The following RGS6 variants were observed in gnomAD, a reference collection of about 807,000 sequenced individuals.
RGS6 encodes regulator of G protein signaling 6, also known as regulator of G-protein signaling 6.
A neutral mutation model predicts 78.5 loss-of-function variants in RGS6; 30 were observed. The ratio of observed to expected loss-of-function variants is 0.38; its 90% CI spans 0.29 to 0.52. The LOEUF is 0.52. RGS6 is among the 20% of genes least tolerant of loss of function. The pLI, the probability that RGS6 is intolerant of heterozygous loss-of-function variation, is 0.85. For synonymous variants in RGS6, 206 were observed against 206.0 expected, an observed-to-expected ratio of 1.00 and a Z score of 0.00; for missense variants, 495 against 609.7, an observed-to-expected ratio of 0.81 and a Z score of 1.98.
intron 2 of RGS6, among the ~76,000 whole-genome samples, chr14:72,281,361 C>T (rs1249140258): frequency 6.6e-6 from 1 of 151,986 alleles, no homozygotes; most frequent in Non-Finnish European, 1.5e-5. Context: ...GTTGGCCAGG[C>T]TGGTCTTGAA....
chr14:71,968,791 T>C (rs1183321662), intron 2 of RGS6, among the ~76,000 whole-genome samples: 1 of 152,256 alleles, frequency 6.6e-6, no homozygotes, highest in Non-Finnish European at 1.5e-5. Flanking sequence ...ATGTTTCTTC[T>C]GGGAGAGTTG....
chr14:72,457,795 C>G (rs1165507415), intron 4 of RGS6, among the ~76,000 whole-genome samples: 1 of 152,152 alleles, frequency 6.6e-6, no homozygotes. Flanking sequence ...CCTGATGGGA[C>G]TGTCATATTG....
chr14:72,430,676 G>A (rs1282882918), intron 3 of RGS6, among the ~76,000 whole-genome samples: 1 of 152,110 alleles, frequency 6.6e-6, no homozygotes, highest in Admixed American at 6.6e-5. Flanking sequence ...TTTGGGTTTT[G>A]GTTTTGGGGT....
intron 16 of RGS6, among the ~76,000 whole-genome samples, chr14:72,539,442 A>G (rs1303224819): frequency 6.6e-6 from 1 of 152,212 alleles, no homozygotes; most frequent in East Asian, 1.9e-4. Flanking sequence ...AACGAGGGTC[A>G]CTAGGAAGTC....
chr14:71,978,872 C>T (rs150295242), intron 2 of RGS6, among the ~76,000 whole-genome samples: 20,766 of 144,442 alleles, frequency 0.14, 1,803 homozygotes, highest in East Asian at 0.22. Context: ...GGTAGAATTC[C>T]GCTGTGAATC....
At chr14:71,978,596 C>T (rs1174947246) in intron 2 of RGS6, among the ~76,000 whole-genome samples, 18 of 122,270 alleles carry the variant, frequency 1.5e-4, no homozygotes, top group Admixed American at 1.1e-3. Flanking sequence ...ACCAGCCTTG[C>T]ATCCCAGGGA....
chr14:72,114,674 C>T (rs1002759853), intron 2 of RGS6, among the ~76,000 whole-genome samples: 1 of 152,176 alleles, frequency 6.6e-6, no homozygotes, highest in East Asian at 1.9e-4. Flanking sequence ...AATACAAATG[C>T]AAAATATTTA....
At position 72,472,026 on chromosome 14, in the gene RGS6, T is replaced by C. The variant is rs574951359; in HGVS notation, c.537-846T>C. ...GGGCCACCTAAGTACACAGTAATTA[T>C]CACAAAAATCGCAGGGTGATTATGG... On this transcript the variant is annotated intron_variant, in intron 8 of 17. Transcript: ENST00000553525. Among the ~76,000 whole-genome samples the C allele has an allele frequency of 5.9e-5, 9 of 152,258 alleles. No homozygotes were observed. In the East Asian group the frequency reaches 1.7e-3, roughly 29 times the overall value.
intron 3 of RGS6, among the ~76,000 whole-genome samples, chr14:72,411,229 A>G (rs1597102495): frequency 6.6e-6 from 1 of 152,060 alleles, no homozygotes; most frequent in Non-Finnish European, 1.5e-5. Flanking sequence ...ATTTGTTTGT[A>G]TCCTCTTTTA....
chr14:72,433,675 C>T (rs1429445843), intron 3 of RGS6, among the ~76,000 whole-genome samples: 2 of 152,172 alleles, frequency 1.3e-5, no homozygotes, highest in African/African-American at 4.8e-5. Context: ...CACGACTCAA[C>T]TCCCCAGCCC....
intron 3 of RGS6, among the ~76,000 whole-genome samples, chr14:72,405,770 G>C: frequency 6.6e-6 from 1 of 152,280 alleles, no homozygotes; most frequent in East Asian, 1.9e-4. Context: ...CTGCCCCTCT[G>C]CTGGAAGAAT....
In RGS6 at chr14:72,220,622, C is replaced by T. The variant is rs111943907; in HGVS notation, c.85-131473C>T. ...TGCTTCCGTATAGTATTTTAAGAAA[C>T]GTGGCTGTACTGGCTACATGGAATT... On this transcript the variant is annotated intron_variant, in intron 2 of 17. Coordinates refer to ENST00000553525, the MANE Select transcript of RGS6 (RefSeq NM_001204424.2). 7.6e-3 allele frequency among the ~76,000 whole-genome samples: 1,151 copies of T among 152,204 alleles called. 9 individuals are homozygous for T. The highest frequency in any genetic ancestry group is 0.026 in the African/African-American group (1,062 of 41,534).
intron 2 of RGS6, among the ~76,000 whole-genome samples, chr14:71,981,379 C>T (rs1308998797): frequency 1.3e-5 from 2 of 152,164 alleles, no homozygotes; most frequent in Non-Finnish European, 2.9e-5. Flanking sequence ...TGTTTTTTCC[C>T]CATCTTTGTG....
At position 72,548,348 on chromosome 14, in the gene RGS6, CGT is replaced by C. The variant is rs59943776; in HGVS notation, c.1422+8277_1422+8278del. Among the ~76,000 whole-genome samples the C allele has an allele frequency of 2.9e-3, 379 of 129,274 alleles. 1 individual carries two copies. The highest frequency in any genetic ancestry group is 0.021 in the South Asian group (88 of 4,174). 84.8% of individuals were successfully genotyped at this position (129,274 alleles called of 152,430 possible). A position where few individuals can be genotyped will look rare whatever the true frequency, so the allele number is the denominator to read the frequency against. Reference sequence around the variant, plus strand: ...ATATTTGTGTGTGTGTGTGTGCGCGCGTGTGTGTGTGTGTGTGTGTGTGTTTT... The same window carrying C: ...ATATTTGTGTGTGTGTGTGTGCGCGCGTGTGTGTGTGTGTGTGTGTGTTTT... On this transcript the variant is annotated intron_variant, in intron 17 of 17. Coordinates refer to ENST00000553525, the MANE Select transcript of RGS6 (RefSeq NM_001204424.2).
At chr14:71,909,785 G>T in the RGS6 span, among the ~76,000 whole-genome samples, 165 of 152,246 alleles carry the variant, frequency 1.1e-3, 1 homozygote, top group South Asian at 5.0e-3. Context: ...CCAAACTACA[G>T]GCAAGGGAGA....
the RGS6 span, among the ~76,000 whole-genome samples, chr14:71,898,041 CAA>C: frequency 1.3e-5 from 2 of 150,246 alleles, no homozygotes; most frequent in East Asian, 3.9e-4. Flanking sequence ...GTTTTGGGTA[CAA>C]AGTGATTTTT....
At chr14:71,922,439 T>A in the RGS6 span, among the ~76,000 whole-genome samples, 1 of 152,222 alleles carries the variant, frequency 6.6e-6, no homozygotes, top group Admixed American at 6.5e-5. Context: ...ATAATGCATA[T>A]GATTGTGTTA....
chr14:72,296,610 A>G (rs527457357), intron 2 of RGS6, among the ~76,000 whole-genome samples: 1 of 152,264 alleles, frequency 6.6e-6, no homozygotes, highest in Admixed American at 6.5e-5. Context: ...TTGGCTATTC[A>G]CCTATCTTTT....
the RGS6 span, among the ~76,000 whole-genome samples, chr14:72,626,787 C>T: frequency 6.6e-6 from 1 of 152,068 alleles, no homozygotes; most frequent in African/African-American, 2.4e-5. Flanking sequence ...AATTTGTATT[C>T]CCACCAACAA....
Sources: allele counts gnomAD v4.1 joint callset (sites outside exome capture counted in the v4.1 genomes callset), GRCh38; gene constraint gnomAD v4.1.1; transcripts MANE v1.5; gene names NCBI Gene and HGNC (gene_info 2026-07-23, HGNC 2026-07-21).